PPIL4: variants seen among roughly 807,000 people sequenced by gnomAD.
PPIL4 encodes peptidyl-prolyl cis-trans isomerase-like 4.
In PPIL4, 50 loss-of-function variants were observed where a neutral mutation model predicts 69.1. That is an observed-to-expected ratio of 0.72 (90% confidence interval 0.58 to 0.92). PPIL4 has a LOEUF of 0.92. Among genes scored for constraint, PPIL4 ranks in the 40% least tolerant of loss-of-function variants. PPIL4 has a pLI of 0.00. For synonymous variants in PPIL4, 193 were observed against 191.6 expected, an observed-to-expected ratio of 1.01 and a Z score of -0.06; for missense variants, 480 against 587.9, an observed-to-expected ratio of 0.82 and a Z score of 1.90.
intron 11 of PPIL4, among the ~76,000 whole-genome samples, chr6:149,516,579 A>G (rs1477767719): frequency 1.3e-5 from 2 of 152,226 alleles, no homozygotes; most frequent in African/African-American, 4.8e-5. Context: ...GTGGAGTGAT[A>G]TATTTATAAT....
At chr6:149,513,412 A>AAAAAATAT (rs1554215970) in intron 11 of PPIL4, among the ~76,000 whole-genome samples, 1 of 55,326 alleles carries the variant, frequency 1.8e-5, no homozygotes, top group African/African-American at 7.6e-5. Flanking sequence ...AAAAAAAAAA[A>AAAAAATAT]ATATATATAT....
At chr6:149,524,593 T>G (rs766061420) in intron 9 of PPIL4, among the ~76,000 whole-genome samples, 3 of 152,204 alleles carry the variant, frequency 2.0e-5, no homozygotes, top group Admixed American at 6.5e-5. Flanking sequence ...AGGGCTTTAC[T>G]TAGAACTTAA....
At chr6:149,542,310 C>T (rs1052373400) in intron 1 of PPIL4, among the ~76,000 whole-genome samples, 1 of 152,078 alleles carries the variant, frequency 6.6e-6, no homozygotes, top group African/African-American at 2.4e-5. Context: ...GTTAAACAGC[C>T]CTTTATAAAA....
chr6:149,539,947 T>G (rs981539320), intron 4 of PPIL4, among the ~76,000 whole-genome samples: 2 of 151,876 alleles, frequency 1.3e-5, no homozygotes, highest in African/African-American at 2.4e-5. Context: ...CTGGCCAACA[T>G]GGCAAAACCC....
Position 149,512,174 on chromosome 6 carries a change from G to T in PPIL4, c.1208C>A (p.Pro403Gln). Residue 403 changes from proline (P) to glutamine (Q), a missense_variant, in exon 12 of 13, where the codon CCA becomes CAA. Physicochemically the swap from Pro to Gln is moderately conservative, Grantham distance 76. Transcript: ENST00000253329. ...SEEKEDEDYMPIKNTNQDIYR... is the reference protein window; with the variant it reads ...SEEKEDEDYMQIKNTNQDIYR... ...AGGTACCTGATTAGTATTTTTGATT[G>T]GCATGTAGTCCTCATCTTCTTTCTC... 1 of 1,610,296 alleles carries T rather than the reference G, an allele frequency of 6.2e-7. No homozygotes were observed. The highest frequency in any genetic ancestry group is 1.1e-5 in the South Asian group (1 of 90,438).
Position 149,505,405 on chromosome 6 carries a change from T to C in PPIL4, c.*48A>G. 1.3e-6 allele frequency: 2 copies of C among 1,559,056 alleles called. No individual in the cohort carries two copies. The highest frequency in any genetic ancestry group is 1.7e-6 in the Non-Finnish European group (2 of 1,153,550). ...CATCTGCTTTCCTGGCACTCTTAAG[T>C]TAGACAAGAGTAAATATGTTAGCCT... On this transcript the variant is annotated 3_prime_UTR_variant, in exon 13 of 13. Coordinates refer to ENST00000253329, the MANE Select transcript of PPIL4 (RefSeq NM_139126.4).
At chr6:149,536,370 A>C (rs1014055311) in intron 4 of PPIL4, among the ~76,000 whole-genome samples, 6 of 152,250 alleles carry the variant, frequency 3.9e-5, no homozygotes, top group Admixed American at 1.3e-4. Flanking sequence ...ATGATTAAGC[A>C]TAGTGAGAAA....
At chr6:149,518,567 A>C (rs1776981259) in intron 10 of PPIL4, among the ~76,000 whole-genome samples, 3 of 152,230 alleles carry the variant, frequency 2.0e-5, no homozygotes, top group Admixed American at 1.3e-4. Context: ...GACAAGATCA[A>C]TCTATTTGGC....
At chr6:149,514,276 C>T (rs1002256687) in intron 11 of PPIL4, among the ~76,000 whole-genome samples, 2 of 152,270 alleles carry the variant, frequency 1.3e-5, no homozygotes, top group Admixed American at 6.5e-5. Context: ...TCCATAGCTC[C>T]CACCTATGAT....
In PPIL4 at chr6:149,545,926, C is replaced by T; in HGVS notation, c.70+10G>A. 6.3e-7 allele frequency: 1 copy of T among 1,577,004 alleles called. No homozygotes were observed. Among genetic ancestry groups the T allele is most frequent in the Non-Finnish European group, 8.6e-7 (1 of 1,159,454 alleles). On this transcript the variant is annotated intron_variant, in intron 1 of 12. Coordinates refer to ENST00000253329, the MANE Select transcript of PPIL4 (RefSeq NM_139126.4). ...GCCCCGGCGACAGGTGAGTGGGGCTCAAGCCTCACCACGCGGCCGTTCTTC... is the reference window on the plus strand; with the variant it reads ...GCCCCGGCGACAGGTGAGTGGGGCTTAAGCCTCACCACGCGGCCGTTCTTC...
intron 11 of PPIL4, among the ~76,000 whole-genome samples, chr6:149,514,818 T>C (rs1378100789): frequency 6.6e-6 from 1 of 151,596 alleles, no homozygotes; most frequent in Non-Finnish European, 1.5e-5. Flanking sequence ...TGTATTGGGT[T>C]AAGACAAAAA....
intron 11 of PPIL4, among the ~76,000 whole-genome samples, chr6:149,514,712 CAG>C (rs1406490008): frequency 1.3e-5 from 2 of 150,664 alleles, no homozygotes; most frequent in Non-Finnish European, 3.0e-5. Context: ...AAAAAAAAAA[CAG>C]AAATACAGTA....
chr6:149,525,236 T>TAA (rs747605524), intron 8 of PPIL4, 27 bp from the exon 9 acceptor site: 637 of 947,470 alleles, frequency 6.7e-4, no homozygotes, highest in South Asian at 1.2e-3. Context: ...AAAAGTGACT[T>TAA]AAAAAAAAAA....
rs558183875 is a variant in PPIL4, at chr6:149,524,349, A to G, written c.870+794T>C. 2.0e-5 allele frequency among the ~76,000 whole-genome samples: 3 copies of G among 152,374 alleles called. No homozygotes were observed. The South Asian group carries it at 6.2e-4, about 32-fold the overall frequency. ...AGCTTAAAGTAAATATTTAAGCAAC[A>G]TAAGCTATCATTATTACAGCTCTAG... On this transcript the variant is annotated intron_variant, in intron 9 of 12. Coordinates refer to ENST00000253329, the MANE Select transcript of PPIL4 (RefSeq NM_139126.4).
Position 149,541,655 on chromosome 6 carries a change from A to T in PPIL4, c.71-69T>A, listed in dbSNP as rs1025149758. On this transcript the variant is annotated intron_variant, in intron 1 of 12. Transcript: ENST00000253329. ...CACATTTTTAAATAAGTAAAGCCAC[A>T]GTAAAATGTAATTTCTAAATTACTA... 4.9e-4 allele frequency: 430 copies of T among 877,932 alleles called. 2 individuals carry two copies. Among genetic ancestry groups the T allele is most frequent in the Middle Eastern group, 1.7e-3 (6 of 3,552 alleles). The allele number at this position is 877,932 out of a possible 1,614,324, so 54.4% of individuals were successfully genotyped here. A position where few individuals can be genotyped will look rare whatever the true frequency, so the allele number is the denominator to read the frequency against.
At chr6:149,521,203 T>A (rs376439938) in intron 9 of PPIL4, 32 bp from the exon 10 acceptor site, 3 of 1,261,322 alleles carry the variant, frequency 2.4e-6, no homozygotes, top group African/African-American at 3.0e-5. Context: ...CAAGCATAAA[T>A]CTTTATGGAA....
chr6:149,521,477 C>A (rs933896335), intron 9 of PPIL4, among the ~76,000 whole-genome samples: 1 of 152,192 alleles, frequency 6.6e-6, no homozygotes, highest in Non-Finnish European at 1.5e-5. Context: ...TATACACTTA[C>A]TGACTGTATT....
chr6:149,540,443 C>T (rs1241923256), intron 4 of PPIL4, among the ~76,000 whole-genome samples: 5 of 152,136 alleles, frequency 3.3e-5, no homozygotes, highest in African/African-American at 7.2e-5. Flanking sequence ...GGTGAAACCC[C>T]GTCTCTACTA....
intron 1 of PPIL4, among the ~76,000 whole-genome samples, chr6:149,543,054 A>G (rs1210956892): frequency 1.3e-5 from 2 of 152,164 alleles, no homozygotes; most frequent in Non-Finnish European, 2.9e-5. Context: ...ATGATCATCA[A>G]TGGCTGCCAA....
Sources: gnomAD v4.1 joint callset for allele counts (sites outside exome capture counted in the v4.1 genomes callset) on GRCh38, gnomAD v4.1.1 for gene constraint, MANE v1.5 for transcripts, NCBI Gene and HGNC (gene_info 2026-07-23, HGNC 2026-07-21) for gene names.